NCKAP5: variants seen among roughly 807,000 people sequenced by gnomAD.
The protein encoded by NCKAP5 is nck-associated protein 5.
A neutral mutation model predicts 167.0 loss-of-function variants in NCKAP5; 92 were observed. The observed-to-expected ratio is 0.55, with a 90% confidence interval of 0.47 to 0.66. NCKAP5 has a LOEUF of 0.66. Among genes scored for constraint, NCKAP5 ranks in the 30% least tolerant of loss-of-function variants. NCKAP5 has a pLI of 0.00. For missense variants in NCKAP5, 2,378 were observed against 2,315.0 expected (o/e 1.03, Z -0.56); for synonymous variants, 891 against 877.4 (o/e 1.02, Z -0.27).
At chr2:132,686,115 G>T (rs1249662555) in intron 19 of NCKAP5, among the ~76,000 whole-genome samples, 1 of 152,250 alleles carries the variant, frequency 6.6e-6, no homozygotes, top group East Asian at 1.9e-4. Context: ...AAAGTAATCA[G>T]GATTCAAATG....
chr2:132,755,823 T>A (rs1448759987), intron 16 of NCKAP5, among the ~76,000 whole-genome samples: 1 of 134,094 alleles, frequency 7.5e-6, no homozygotes, highest in African/African-American at 3.2e-5. Context: ...AGAGCGAGAT[T>A]CTGTCTCAGA....
At chr2:133,551,048 G>T (rs1195526458) in intron 2 of NCKAP5, among the ~76,000 whole-genome samples, 2 of 151,258 alleles carry the variant, frequency 1.3e-5, no homozygotes, top group African/African-American at 2.4e-5. Flanking sequence ...GGATGTGAAG[G>T]ACCTCTTCAA....
intron 4 of NCKAP5, among the ~76,000 whole-genome samples, chr2:133,238,067 A>G (rs555365323): frequency 6.6e-6 from 1 of 152,290 alleles, no homozygotes; most frequent in African/African-American, 2.4e-5. Flanking sequence ...AGAGAACACA[A>G]CTTCCATCAC....
intron 6 of NCKAP5, among the ~76,000 whole-genome samples, chr2:133,111,022 T>C (rs570720229): frequency 6.6e-6 from 1 of 152,218 alleles, no homozygotes; most frequent in Non-Finnish European, 1.5e-5. Flanking sequence ...CCATCAGTCT[T>C]ATCCGATTAA....
At chr2:133,262,215 T>C (rs1429352139) in intron 4 of NCKAP5, among the ~76,000 whole-genome samples, 1 of 152,164 alleles carries the variant, frequency 6.6e-6, no homozygotes, top group Non-Finnish European at 1.5e-5. Context: ...ATCACATCAA[T>C]AATAAATAAG....
the NCKAP5 span, among the ~76,000 whole-genome samples, chr2:133,654,396 A>ATAAG: frequency 6.6e-6 from 1 of 151,536 alleles, no homozygotes; most frequent in Non-Finnish European, 1.5e-5. Context: ...AAATAAATAA[A>ATAAG]TAAATAAATA....
intron 3 of NCKAP5, among the ~76,000 whole-genome samples, chr2:133,490,548 G>A (rs755303975): frequency 2.6e-5 from 4 of 152,192 alleles, no homozygotes; most frequent in African/African-American, 4.8e-5. Context: ...GACAAGAACA[G>A]AATAGGGCAA....
chr2:133,029,412 A>G (rs190346466), intron 6 of NCKAP5, among the ~76,000 whole-genome samples: 1 of 152,338 alleles, frequency 6.6e-6, no homozygotes, highest in East Asian at 1.9e-4. Flanking sequence ...ACCTTGATAG[A>G]GGCAAAATTC....
intron 15 of NCKAP5, among the ~76,000 whole-genome samples, chr2:132,779,896 T>C (rs1379464235): frequency 1.3e-5 from 2 of 152,104 alleles, no homozygotes; most frequent in Non-Finnish European, 2.9e-5. Context: ...CCTCAGAAAA[T>C]TGTAGTATGT....
intron 3 of NCKAP5, among the ~76,000 whole-genome samples, chr2:133,304,268 T>G (rs1043726996): frequency 3.9e-5 from 6 of 152,194 alleles, no homozygotes; most frequent in African/African-American, 1.4e-4. Context: ...CCTGATTTCT[T>G]TTGATCCTGG....
At chr2:133,429,140 C>T (rs541562549) in intron 3 of NCKAP5, among the ~76,000 whole-genome samples, 2 of 152,062 alleles carry the variant, frequency 1.3e-5, no homozygotes, top group East Asian at 3.9e-4. Context: ...AGAAATTATG[C>T]CATGTGGAAT....
At chr2:133,570,997 GT>G (rs1688845272), upstream of NCKAP5, among the ~76,000 whole-genome samples, 1 of 151,756 alleles carries the variant, frequency 6.6e-6, no homozygotes, top group African/African-American at 2.4e-5. Context: ...TAGAGCCTAT[GT>G]TTTTCTTTAG....
At chr2:133,492,315 G>C (rs887362289) in intron 3 of NCKAP5, among the ~76,000 whole-genome samples, 4 of 152,312 alleles carry the variant, frequency 2.6e-5, no homozygotes, top group Admixed American at 6.5e-5. Context: ...AAATGGGGAT[G>C]ACAACATTGG....
intron 8 of NCKAP5, among the ~76,000 whole-genome samples, chr2:132,919,838 C>T (rs1219640143): frequency 6.6e-6 from 1 of 152,154 alleles, no homozygotes; most frequent in African/African-American, 2.4e-5. Flanking sequence ...CTCAAAGTGA[C>T]TGGAAGATGC....
the NCKAP5 span, among the ~76,000 whole-genome samples, chr2:133,635,028 C>A: frequency 2.6e-5 from 4 of 152,066 alleles, no homozygotes; most frequent in East Asian, 7.7e-4. Context: ...CACCTGCCAC[C>A]ACACATAACT....
At chr2:133,095,552 C>T (rs1446392311) in intron 6 of NCKAP5, among the ~76,000 whole-genome samples, 13 of 152,320 alleles carry the variant, frequency 8.5e-5, no homozygotes, top group East Asian at 1.9e-4. Flanking sequence ...GATGAGACCC[C>T]GCATGGCAGG....
At chr2:133,251,328 G>A (rs914772787) in intron 4 of NCKAP5, among the ~76,000 whole-genome samples, 3 of 152,184 alleles carry the variant, frequency 2.0e-5, no homozygotes, top group African/African-American at 7.2e-5. Flanking sequence ...AGGGATGCCT[G>A]TATCTGCTGC....
At chr2:132,711,666 T>C (rs1688855438) in intron 19 of NCKAP5, among the ~76,000 whole-genome samples, 1 of 152,222 alleles carries the variant, frequency 6.6e-6, no homozygotes. Context: ...CCATAATCCA[T>C]AAATATCCTA....
intron 3 of NCKAP5, among the ~76,000 whole-genome samples, chr2:133,305,786 A>C (rs1486384147): frequency 2.0e-5 from 3 of 152,204 alleles, no homozygotes; most frequent in Admixed American, 6.5e-5. Flanking sequence ...TAAAAATGGG[A>C]AACTAAGATT....
Sources: gnomAD v4.1 joint callset for allele counts (sites outside exome capture counted in the v4.1 genomes callset) on GRCh38, gnomAD v4.1.1 for gene constraint, MANE v1.5 for transcripts, NCBI Gene and HGNC (gene_info 2026-07-23, HGNC 2026-07-21) for gene names.